Variants in LAMC1 observed in about 807,000 individuals in gnomAD.
LAMC1 encodes the protein laminin subunit gamma 1.
A neutral mutation model predicts 173.6 loss-of-function variants in LAMC1; 38 were observed. That is an observed-to-expected ratio of 0.22 (90% CI 0.17 to 0.29). The LOEUF is 0.29. LAMC1 is among the 10% of genes least tolerant of loss of function. The probability of loss-of-function intolerance (pLI) is 1.00; values close to 1 mark genes in which losing one functional copy is unlikely to be tolerated. For missense variants in LAMC1, 1,824 were observed against 2,051.8 expected (o/e 0.89, Z 2.14); for synonymous variants, 746 against 749.1 (o/e 1.00, Z 0.07).
In LAMC1 at chr1:183,125,609, A is replaced by AT. The variant is rs537398954; in HGVS notation, c.2801+64dup. 4.4e-5 allele frequency: 57 copies of AT among 1,307,942 alleles called. No homozygotes were observed. The African/African-American group carries it at 6.8e-4, about 16-fold the overall frequency. The allele number at this position is 1,307,942 out of a possible 1,614,324, so 81.0% of individuals were successfully genotyped here. Reference sequence around the variant, plus strand: ...TTGCTTTTTCTGTTATAAAAAATGAATTTTTATAAGTACATTTAATAATTG... The same window carrying AT: ...TTGCTTTTTCTGTTATAAAAAATGAATTTTTTATAAGTACATTTAATAATTG... On this transcript the variant is annotated intron_variant, in intron 15 of 27. Transcript: ENST00000258341.
intron 1 of LAMC1, among the ~76,000 whole-genome samples, chr1:183,081,054 A>AATTTTT (rs1229716031): frequency 6.6e-6 from 1 of 151,650 alleles, no homozygotes; most frequent in African/African-American, 2.4e-5. Flanking sequence ...ACGCCCGGCT[A>AATTTTT]ATTTTTATAT....
At position 183,122,147 on chromosome 1, in the gene LAMC1, C is replaced by T. The variant is rs1011293440; in HGVS notation, c.2297C>T (p.Thr766Ile). ...TACTATGGAGATTCAACTGCAGGCA[C>T]CTCCTCCGATTGCCAACCCTGTCCG... Reference protein sequence around the residue: ...DGYYGDSTAGTSSDCQPCPCP... With the variant: ...DGYYGDSTAGISSDCQPCPCP... Residue 766 changes from threonine to isoleucine, a missense_variant, in exon 13 of 28, where the codon ACC (threonine) becomes ATC (isoleucine). Physicochemically the swap from Thr to Ile is moderately conservative, Grantham distance 89. Coordinates refer to ENST00000258341, the MANE Select transcript of LAMC1 (RefSeq NM_002293.4). 2 of 1,614,056 alleles carry T rather than the reference C, an allele frequency of 1.2e-6. No individual in the cohort carries two copies. The highest frequency in any genetic ancestry group is 2.7e-5 in the African/African-American group (2 of 74,936).
At chr1:183,084,612 A>G (rs966766890) in intron 1 of LAMC1, among the ~76,000 whole-genome samples, 5 of 152,240 alleles carry the variant, frequency 3.3e-5, no homozygotes. Context: ...GAACTAGAAG[A>G]TAAGACAGTT....
intron 1 of LAMC1, among the ~76,000 whole-genome samples, chr1:183,024,616 A>G (rs10752888): frequency 0.5 from 75,785 of 152,034 alleles, 19,604 homozygotes; most frequent in South Asian, 0.64. Flanking sequence ...GGGGAATTTG[A>G]GGGGAGCAAA....
In LAMC1 at chr1:183,117,334, C is replaced by T. The variant is rs141665938; in HGVS notation, c.1579C>T (p.Arg527Cys). 1.0e-4 allele frequency: 163 copies of T among 1,606,440 alleles called. No individual in the cohort carries two copies. In the African/African-American group the frequency reaches 1.1e-3, roughly 11 times the overall value. The change falls in exon 9 of 28, where the codon CGT becomes TGT. Residue 527 changes from arginine (R) to cysteine (C), a missense_variant. Arg to Cys is a radical substitution (Grantham distance 180, BLOSUM62 -3). Coordinates refer to ENST00000258341, the MANE Select transcript of LAMC1 (RefSeq NM_002293.4). ...STFQIDEDGW[R>C]AEQRDGSEAS... Reference sequence around the variant, plus strand: ...TCTACCTGCAGATGAGGATGGGTGGCGTGCGGAACAGAGAGATGGCTCTGA... The same window carrying T: ...TCTACCTGCAGATGAGGATGGGTGGTGTGCGGAACAGAGAGATGGCTCTGA...
At chr1:183,055,334 C>T (rs10911212) in intron 1 of LAMC1, among the ~76,000 whole-genome samples, 76,180 of 151,562 alleles carry the variant, frequency 0.5, 19,773 homozygotes, top group South Asian at 0.64. Context: ...TGAAATGTGG[C>T]GATAGATGTT....
chr1:183,076,457 T>C (rs1655121774), intron 1 of LAMC1, among the ~76,000 whole-genome samples: 1 of 152,230 alleles, frequency 6.6e-6, no homozygotes, highest in Non-Finnish European at 1.5e-5. Flanking sequence ...TCAGTAGTTG[T>C]ACTTTGCTCC....
chr1:183,125,569 T>C lies in LAMC1; in HGVS notation c.2801+19T>C. 1 of 1,514,800 alleles carries C rather than the reference T, an allele frequency of 6.6e-7. No homozygotes were observed. Among genetic ancestry groups the C allele is most frequent in the Non-Finnish European group, 8.9e-7 (1 of 1,127,758 alleles). The allele number at this position is 1,514,800 out of a possible 1,614,324, so 93.8% of individuals were successfully genotyped here. A position where few individuals can be genotyped will look rare whatever the true frequency, so the allele number is the denominator to read the frequency against. Reference sequence around the variant, plus strand: ...GTGAGAGGTGAGACATAGGTGCCTTTGGTGAAAGTAATCTTTGCTTTTTCT... The same window carrying C: ...GTGAGAGGTGAGACATAGGTGCCTTCGGTGAAAGTAATCTTTGCTTTTTCT... On this transcript the variant is annotated intron_variant, in intron 15 of 27. Coordinates refer to ENST00000258341, the MANE Select transcript of LAMC1 (RefSeq NM_002293.4).
chr1:183,128,571 TTTTC>T lies in LAMC1; in HGVS notation c.3124-16_3124-13del. On this transcript the variant is annotated intron_variant, in intron 17 of 27. Transcript: ENST00000258341. ...AATACTTGTGTGTCCTACCTTTCCCTTTTCTTTCTTCTTTATGTTTAGGTTGCTG... is the reference window on the plus strand; with the variant it reads ...AATACTTGTGTGTCCTACCTTTCCCTTTTCTTCTTTATGTTTAGGTTGCTG... 1 of 1,593,208 alleles carries T rather than the reference TTTTC, an allele frequency of 6.3e-7. No individual in the cohort carries two copies. The highest frequency in any genetic ancestry group is 2.2e-5 in the East Asian group (1 of 44,680).
chr1:183,064,500 G>C (rs1236026995), intron 1 of LAMC1, among the ~76,000 whole-genome samples: 1 of 152,070 alleles, frequency 6.6e-6, no homozygotes, highest in African/African-American at 2.4e-5. Context: ...ACTAAACTTT[G>C]AAATAAGCAT....
intron 1 of LAMC1, among the ~76,000 whole-genome samples, chr1:183,062,513 G>A (rs540946917): frequency 1.3e-3 from 199 of 152,270 alleles, no homozygotes; most frequent in Non-Finnish European, 2.2e-3. Flanking sequence ...TTATCTGGGC[G>A]TGGTGGGGCG....
In LAMC1 at chr1:183,103,587, A is replaced by C; in HGVS notation, c.678A>C (p.Glu226Asp). Residue 226 changes from glutamate to aspartate, a missense_variant, in exon 2 of 28, where the codon GAA becomes GAC. Physicochemically the swap from Glu to Asp is conservative, Grantham distance 45 (BLOSUM62 2). Coordinates refer to ENST00000258341, the MANE Select transcript of LAMC1 (RefSeq NM_002293.4). ...TGGNVAFSTL[E>D]GRPSAYNFDN... ...GCAACGTGGCCTTTTCTACCCTGGA[A>C]GGAAGGCCCAGCGCCTATAACTTTG... is the stretch of plus-strand genomic sequence containing the variant. 2 of 1,605,568 alleles carry C rather than the reference A, an allele frequency of 1.2e-6. No individual in the cohort carries two copies. The highest frequency in any genetic ancestry group is 1.7e-6 in the Non-Finnish European group (2 of 1,175,564).
In LAMC1 at chr1:183,028,161, C is replaced by G. The variant is rs569094399; in HGVS notation, c.418+4027C>G. 3.7e-3 allele frequency among the ~76,000 whole-genome samples: 568 copies of G among 151,950 alleles called. 2 individuals carry two copies. Among genetic ancestry groups the G allele is most frequent in the African/African-American group, 0.013 (546 of 41,446 alleles). On this transcript the variant is annotated intron_variant, in intron 1 of 27. Coordinates refer to ENST00000258341, the MANE Select transcript of LAMC1 (RefSeq NM_002293.4). The stretch of plus-strand genomic sequence containing the variant: ...GAGCTATAAGGCATTCCTCCCCCCC[C>G]CCACCTCTTCCATTTGTCATTGGTC...
chr1:183,107,547 G>A (rs888238535), intron 2 of LAMC1, among the ~76,000 whole-genome samples: 2 of 152,124 alleles, frequency 1.3e-5, no homozygotes, highest in Non-Finnish European at 2.9e-5. Flanking sequence ...ATGGGCAGGG[G>A]TGGCCAGGCG....
chr1:183,067,294 T>G (rs548648933), intron 1 of LAMC1, among the ~76,000 whole-genome samples: 1 of 152,294 alleles, frequency 6.6e-6, no homozygotes, highest in Non-Finnish European at 1.5e-5. Flanking sequence ...TTCAGTTTTG[T>G]TTAGAATTCT....
chr1:183,080,777 G>GTTT (rs565759874), intron 1 of LAMC1, among the ~76,000 whole-genome samples: 1 of 144,194 alleles, frequency 6.9e-6, no homozygotes. Context: ...TTTTTAGTTA[G>GTTT]TTTTTTTTTT....
intron 1 of LAMC1, among the ~76,000 whole-genome samples, chr1:183,072,156 G>A (rs1399831163): frequency 6.6e-6 from 1 of 152,174 alleles, no homozygotes; most frequent in Non-Finnish European, 1.5e-5. Context: ...ATAGCACATA[G>A]GTAGTTTGAC....
At chr1:183,114,774 G>T in intron 5 of LAMC1, 55 bp downstream of exon 5, 1 of 1,548,386 alleles carries the variant, frequency 6.5e-7, no homozygotes, top group Non-Finnish European at 8.8e-7. Flanking sequence ...TGGACCCCCG[G>T]AAAGGAAAGC....
At chr1:183,032,670 G>T (rs942229922) in intron 1 of LAMC1, among the ~76,000 whole-genome samples, 1 of 152,174 alleles carries the variant, frequency 6.6e-6, no homozygotes, top group Non-Finnish European at 1.5e-5. Context: ...TTATAGGCAT[G>T]AGTCACCATG....
Sources: gnomAD v4.1 joint callset for allele counts (sites outside exome capture counted in the v4.1 genomes callset) on GRCh38, gnomAD v4.1.1 for gene constraint, MANE v1.5 for transcripts, NCBI Gene and HGNC (gene_info 2026-07-23, HGNC 2026-07-21) for gene names.